The following PARD3B variants were observed in gnomAD, a reference collection of about 807,000 sequenced individuals.
The protein encoded by PARD3B is partitioning defective 3 homolog B.
PARD3B carries 103 observed loss-of-function variants against 130.2 expected under a neutral mutation model. The observed-to-expected ratio is 0.79, with a 90% CI of 0.67 to 0.93. The LOEUF (loss-of-function observed/expected upper bound fraction) is 0.93, where lower values mean the gene tolerates loss of function less well. Among genes scored for constraint, PARD3B ranks in the 40% least tolerant of loss-of-function variants. The probability of loss-of-function intolerance (pLI) is 0.00; values close to 1 mark genes in which losing one functional copy is unlikely to be tolerated. For synonymous variants in PARD3B, 583 were observed against 553.2 expected (o/e 1.05, Z -0.76); for missense variants, 1,609 against 1,499.2 (o/e 1.07, Z -1.21).
In PARD3B at chr2:205,397,306, G is replaced by A. The variant is rs1033818259; in HGVS notation, c.2631-3707G>A. ...GCCCTTCTTATTGGAAACTTGAATC[G>A]AGGATCATGAACTTTAAATCAAAGC... On this transcript the variant is annotated intron_variant, in intron 18 of 22. Transcript: ENST00000406610. The surrounding 1 kb of genome is among the most constrained non-coding windows in gnomAD (Gnocchi z 4.8). Among the ~76,000 whole-genome samples, 17 of 152,266 alleles carry A rather than the reference G, an allele frequency of 1.1e-4. No individual in the cohort carries two copies. The highest frequency in any genetic ancestry group is 3.9e-4 in the African/African-American group (16 of 41,552).
chr2:204,611,007 C>T (rs191757663), intron 1 of PARD3B, among the ~76,000 whole-genome samples: 160 of 152,224 alleles, frequency 1.1e-3, no homozygotes, highest in Non-Finnish European at 1.1e-3. Context: ...CCTCCAGCAG[C>T]GGTCAGAGAA....
At chr2:205,476,265 C>T (rs143345877) in intron 20 of PARD3B, among the ~76,000 whole-genome samples, 1 of 152,264 alleles carries the variant, frequency 6.6e-6, no homozygotes, top group Non-Finnish European at 1.5e-5. Flanking sequence ...GGCAGACCTC[C>T]AATTTGTTCA....
chr2:204,604,046 T>C, intron 1 of PARD3B, among the ~76,000 whole-genome samples: 1 of 152,204 alleles, frequency 6.6e-6, no homozygotes, highest in East Asian at 1.9e-4. Flanking sequence ...TTTGGTCATT[T>C]CTGTTCACAC....
intron 3 of PARD3B, among the ~76,000 whole-genome samples, chr2:205,034,680 T>C (rs1697673915): frequency 6.6e-6 from 1 of 152,156 alleles, no homozygotes; most frequent in East Asian, 1.9e-4. Flanking sequence ...GCAATAATTT[T>C]TTAAAAATTA....
Position 205,114,608 on chromosome 2 carries a change from G to A in PARD3B, c.680+1031G>A, listed in dbSNP as rs913124767. On this transcript the variant is annotated intron_variant, in intron 6 of 22. Transcript: ENST00000406610. ...TTCAAGAACTAAAATTTTCTCAAAG[G>A]TTATATAGTATTAATTTAGTGGTTC... is the stretch of plus-strand genomic sequence containing the variant. 2.2e-4 allele frequency among the ~76,000 whole-genome samples: 33 copies of A among 151,982 alleles called. 1 individual carries two copies. Among genetic ancestry groups the A allele is most frequent in the Admixed American group, 2.1e-3 (32 of 15,234 alleles).
intron 4 of PARD3B, among the ~76,000 whole-genome samples, chr2:205,055,131 G>A (rs1372411553): frequency 6.6e-6 from 1 of 152,118 alleles, no homozygotes; most frequent in African/African-American, 2.4e-5. Flanking sequence ...TATATGACTA[G>A]ATGATAAAAA....
At position 205,061,811 on chromosome 2, in the gene PARD3B, T is replaced by A. The variant is rs1044088587; in HGVS notation, c.504+14121T>A. 1.5e-3 allele frequency among the ~76,000 whole-genome samples: 225 copies of A among 150,180 alleles called. 3 individuals are homozygous for A. The highest frequency in any genetic ancestry group is 5.3e-3 in the African/African-American group (216 of 40,770). On this transcript the variant is annotated intron_variant, in intron 4 of 22. Transcript: ENST00000406610. The stretch of plus-strand genomic sequence containing the variant: ...TTTAATTTCAAAAAAAAAAAAAAAA[T>A]TCCTCCAAAGGCAAGTTCTTAAGGC...
At chr2:205,368,387 C>G (rs1356203883) in intron 18 of PARD3B, among the ~76,000 whole-genome samples, 2 of 152,104 alleles carry the variant, frequency 1.3e-5, no homozygotes, top group Admixed American at 1.3e-4. Flanking sequence ...CATCCCAGCA[C>G]TTTGGGAGGC....
At chr2:204,555,246 A>G (rs2030839226) in intron 1 of PARD3B, among the ~76,000 whole-genome samples, 1 of 152,128 alleles carries the variant, frequency 6.6e-6, no homozygotes, top group East Asian at 1.9e-4. Context: ...TTGGCTTTGT[A>G]TCTTTTCACT....
chr2:205,237,212 G>A (rs2039103401), intron 15 of PARD3B, among the ~76,000 whole-genome samples: 2 of 152,034 alleles, frequency 1.3e-5, no homozygotes, highest in African/African-American at 4.8e-5. Flanking sequence ...CAATTCTCCT[G>A]CCTTAGCCTC....
intron 2 of PARD3B, among the ~76,000 whole-genome samples, chr2:204,908,337 T>G (rs2047111099): frequency 6.6e-6 from 1 of 152,192 alleles, no homozygotes; most frequent in South Asian, 2.1e-4. Context: ...TTGAATCCCA[T>G]ATAAATGAGT....
rs1417205983 is a variant in PARD3B, at chr2:204,798,861, G to A, written c.222+112579G>A. ...CATCATTAAGGAGCCGTTGGTCCTT[G>A]AATAAATGTCAGCTGTAGCCAGTTA... On this transcript the variant is annotated intron_variant, in intron 2 of 22. Coordinates refer to ENST00000406610, the MANE Select transcript of PARD3B (RefSeq NM_001302769.2). Among the ~76,000 whole-genome samples, 3 of 152,220 alleles carry A rather than the reference G, an allele frequency of 2.0e-5. No individual in the cohort carries two copies. The East Asian group carries it at 5.8e-4, about 30-fold the overall frequency.
At chr2:204,714,716 A>G (rs570859989) in intron 2 of PARD3B, among the ~76,000 whole-genome samples, 13 of 152,324 alleles carry the variant, frequency 8.5e-5, no homozygotes, top group Admixed American at 3.3e-4. Flanking sequence ...ATGATATCAA[A>G]TCATATGAAA....
At chr2:204,719,016 C>T (rs2038870303) in intron 2 of PARD3B, among the ~76,000 whole-genome samples, 1 of 152,170 alleles carries the variant, frequency 6.6e-6, no homozygotes, top group Non-Finnish European at 1.5e-5. Flanking sequence ...ATAAAATACA[C>T]ATTGGGAGAA....
chr2:205,203,984 G>A (rs926092296), intron 15 of PARD3B, among the ~76,000 whole-genome samples: 1 of 152,112 alleles, frequency 6.6e-6, no homozygotes, highest in Non-Finnish European at 1.5e-5. Context: ...GGGATGGCTG[G>A]GTCAAATGGT....
At chr2:204,933,956 T>C (rs1034663234) in intron 2 of PARD3B, among the ~76,000 whole-genome samples, 6 of 152,232 alleles carry the variant, frequency 3.9e-5, no homozygotes, top group African/African-American at 1.2e-4. Context: ...CTTGTATTTA[T>C]GCAGTCTTTC....
At chr2:204,583,118 T>C (rs2032647966) in intron 1 of PARD3B, among the ~76,000 whole-genome samples, 1 of 142,268 alleles carries the variant, frequency 7.0e-6, no homozygotes, top group African/African-American at 2.7e-5. Flanking sequence ...AGCCATCCCA[T>C]TACTGGGTAT....
intron 1 of PARD3B, among the ~76,000 whole-genome samples, chr2:204,665,505 C>T (rs931875555): frequency 2.6e-5 from 4 of 152,146 alleles, no homozygotes; most frequent in Non-Finnish European, 5.9e-5. Context: ...CAATTATCCA[C>T]GCCTATGATC....
intron 1 of PARD3B, among the ~76,000 whole-genome samples, chr2:204,567,686 G>T (rs2031755722): frequency 6.6e-6 from 1 of 152,200 alleles, no homozygotes; most frequent in Non-Finnish European, 1.5e-5. Context: ...GTGTACAAGT[G>T]TCTGTTCTAC....
Sources: allele counts gnomAD v4.1 joint callset (sites outside exome capture counted in the v4.1 genomes callset), GRCh38; gene constraint gnomAD v4.1.1; non-coding constraint Gnocchi (gnomAD v3.1); transcripts MANE v1.5; gene names NCBI Gene and HGNC (gene_info 2026-07-23, HGNC 2026-07-21).